Variants in SDK1 observed in about 807,000 individuals in gnomAD.
The protein encoded by SDK1 is protein sidekick-1.
Under a neutral mutation model 245.5 loss-of-function variants are expected in SDK1, and 157 were observed. The observed-to-expected ratio is 0.64, with a 90% confidence interval of 0.56 to 0.73. SDK1 has a LOEUF of 0.73. SDK1 is among the 30% of genes least tolerant of loss of function. The pLI is 0.00. For missense variants in SDK1, 3,583 were observed against 3,002.3 expected, an observed-to-expected ratio of 1.19 and a Z score of -4.52; for synonymous variants, 1,647 against 1,278.5, an observed-to-expected ratio of 1.29 and a Z score of -6.15.
At chr7:3,785,900 T>C (rs1298255690) in intron 4 of SDK1, among the ~76,000 whole-genome samples, 1 of 152,198 alleles carries the variant, frequency 6.6e-6, no homozygotes, top group African/African-American at 2.4e-5. Flanking sequence ...TGCAAAATAG[T>C]GAGAGAAATA....
chr7:3,358,543 A>G (rs1392491964), intron 1 of SDK1, among the ~76,000 whole-genome samples: 4 of 151,876 alleles, frequency 2.6e-5, no homozygotes, highest in Non-Finnish European at 5.9e-5. Flanking sequence ...CCATCATTAC[A>G]TTGTTCACGC....
intron 35 of SDK1, among the ~76,000 whole-genome samples, chr7:4,184,493 C>A (rs1421923636): frequency 1.3e-5 from 2 of 152,170 alleles, no homozygotes; most frequent in East Asian, 3.9e-4. Context: ...CGGGGTCAGC[C>A]CCCAGTCAGT....
chr7:4,210,372 G>C (rs548125927), intron 38 of SDK1, among the ~76,000 whole-genome samples: 1 of 152,190 alleles, frequency 6.6e-6, no homozygotes, highest in Non-Finnish European at 1.5e-5. Flanking sequence ...AGGAAAAGCT[G>C]AGCCAAGACC....
chr7:4,004,702 A>C (rs977510531), intron 14 of SDK1, among the ~76,000 whole-genome samples: 1 of 152,210 alleles, frequency 6.6e-6, no homozygotes, highest in Non-Finnish European at 1.5e-5. Context: ...AATTCCAGAA[A>C]TTATGTCAAT....
At chr7:3,810,928 TTC>T (rs1365595628) in intron 4 of SDK1, among the ~76,000 whole-genome samples, 1 of 152,234 alleles carries the variant, frequency 6.6e-6, no homozygotes, top group Non-Finnish European at 1.5e-5. Flanking sequence ...TAATAGAGGC[TTC>T]TGGTCATTTT....
chr7:3,755,904 GACTC>G (rs1009038557), intron 4 of SDK1, among the ~76,000 whole-genome samples: 6 of 151,578 alleles, frequency 4.0e-5, no homozygotes, highest in South Asian at 2.1e-4. Flanking sequence ...TTTTGAATCT[GACTC>G]ACATGGCATA....
At chr7:3,716,591 T>A (rs1785207697) in intron 4 of SDK1, among the ~76,000 whole-genome samples, 1 of 151,772 alleles carries the variant, frequency 6.6e-6, no homozygotes, top group African/African-American at 2.4e-5. Flanking sequence ...GAGACCCCAT[T>A]GCTACAAACA....
chr7:3,672,208 G>A (rs10262080), intron 4 of SDK1, among the ~76,000 whole-genome samples: 111,644 of 151,704 alleles, frequency 0.74, 42,204 homozygotes, highest in African/African-American at 0.93. Context: ...GGCAGCCGAT[G>A]CTGCTGGTGA....
At chr7:4,147,493 C>A (rs646861) in intron 29 of SDK1, among the ~76,000 whole-genome samples, 17,885 of 152,166 alleles carry the variant, frequency 0.12, 1,271 homozygotes, top group Non-Finnish European at 0.15. Flanking sequence ...GTCTCCAGCT[C>A]CTGGGCTCAA....
intron 1 of SDK1, among the ~76,000 whole-genome samples, chr7:3,613,687 A>G (rs891379537): frequency 6.6e-6 from 1 of 152,188 alleles, no homozygotes; most frequent in African/African-American, 2.4e-5. Context: ...AGACACAAAG[A>G]CACATATGTT....
intron 41 of SDK1, among the ~76,000 whole-genome samples, chr7:4,235,720 G>A (rs186096235): frequency 1.2e-3 from 186 of 152,356 alleles, no homozygotes; most frequent in Non-Finnish European, 2.1e-3. Flanking sequence ...CCCAGGGCCT[G>A]TGGTTCAGGC....
intron 1 of SDK1, among the ~76,000 whole-genome samples, chr7:3,480,981 G>T (rs1037077892): frequency 1.3e-5 from 2 of 152,136 alleles, no homozygotes; most frequent in African/African-American, 4.8e-5. Flanking sequence ...TAAGCATTAT[G>T]TATGTGCATT....
intron 5 of SDK1, among the ~76,000 whole-genome samples, chr7:3,885,732 C>G (rs1371140579): frequency 3.3e-5 from 5 of 152,184 alleles, no homozygotes; most frequent in Non-Finnish European, 5.9e-5. Context: ...ACTTTATTTC[C>G]TGTGATGCCG....
chr7:3,587,782 T>A (rs1780739440), intron 1 of SDK1, among the ~76,000 whole-genome samples: 1 of 152,364 alleles, frequency 6.6e-6, no homozygotes, highest in South Asian at 2.1e-4. Context: ...CCTTGGCCTT[T>A]CCTGAGTGTT....
chr7:4,006,664 T>G (rs2128146886), intron 14 of SDK1, among the ~76,000 whole-genome samples: 1 of 152,336 alleles, frequency 6.6e-6, no homozygotes, highest in East Asian at 1.9e-4. Flanking sequence ...AGTTTTCACT[T>G]TAATCTCTCT....
chr7:3,905,471 C>T (rs1335065819), intron 5 of SDK1, among the ~76,000 whole-genome samples: 1 of 152,038 alleles, frequency 6.6e-6, no homozygotes, highest in Non-Finnish European at 1.5e-5. Flanking sequence ...AATCTGCTTT[C>T]AGTATAATTA....
chr7:3,359,689 G>A (rs1780901346), intron 1 of SDK1, among the ~76,000 whole-genome samples: 1 of 152,156 alleles, frequency 6.6e-6, no homozygotes, highest in Non-Finnish European at 1.5e-5. Flanking sequence ...GGCGCGCTGT[G>A]AGGATGCTCG....
intron 4 of SDK1, among the ~76,000 whole-genome samples, chr7:3,764,476 A>G (rs1030677184): frequency 1.3e-5 from 2 of 152,164 alleles, no homozygotes; most frequent in Admixed American, 1.3e-4. Flanking sequence ...ACCTGAGCTC[A>G]GGAGTTCGAG....
Position 4,265,532 on chromosome 7 carries a change from A to G in SDK1, c.*148A>G, listed in dbSNP as rs989955780. On this transcript the variant is annotated 3_prime_UTR_variant, in exon 45 of 45. Coordinates refer to ENST00000404826, the MANE Select transcript of SDK1 (RefSeq NM_152744.4). The stretch of plus-strand genomic sequence containing the variant: ...GTGATGATTTTACCTACTTGTGGAC[A>G]CTAGATTTCAATTAGGAAGGTTTTT... The G allele has an allele frequency of 7.4e-7, 1 of 1,344,574 alleles. No homozygotes were observed. Among genetic ancestry groups the G allele is most frequent in the African/African-American group, 1.5e-5 (1 of 64,858 alleles). 83.3% of individuals were successfully genotyped at this position (1,344,574 alleles called of 1,614,324 possible). A position where few individuals can be genotyped will look rare whatever the true frequency, so the allele number is the denominator to read the frequency against.
Sources: gnomAD v4.1 joint callset for allele counts (sites outside exome capture counted in the v4.1 genomes callset) on GRCh38, gnomAD v4.1.1 for gene constraint, MANE v1.5 for transcripts, NCBI Gene and HGNC (gene_info 2026-07-23, HGNC 2026-07-21) for gene names.